IGSF11: variants seen among roughly 807,000 people sequenced by gnomAD.
IGSF11 encodes immunoglobulin superfamily member 11, also known as CXADR like 1.
Under a neutral mutation model 41.0 loss-of-function variants are expected in IGSF11, and 22 were observed. That is an observed-to-expected ratio of 0.54 (90% CI 0.38 to 0.77). The LOEUF is 0.77. Among genes scored for constraint, IGSF11 ranks in the 30% least tolerant of loss-of-function variants. The pLI, the probability that IGSF11 is intolerant of heterozygous loss-of-function variation, is 0.00. For synonymous variants in IGSF11, 219 were observed against 201.3 expected (o/e 1.09, Z -0.74); for missense variants, 444 against 530.8 (o/e 0.84, Z 1.61).
intron 1 of IGSF11, among the ~76,000 whole-genome samples, chr3:119,094,332 G>T (rs574343818): frequency 7.2e-6 from 1 of 138,680 alleles, no homozygotes; most frequent in East Asian, 2.4e-4. Flanking sequence ...TTTACTAATT[G>T]AACAACAAGG....
intron 1 of IGSF11, among the ~76,000 whole-genome samples, chr3:119,140,919 C>T (rs887951773): frequency 6.6e-6 from 1 of 151,520 alleles, no homozygotes; most frequent in Non-Finnish European, 1.5e-5. Flanking sequence ...TGGCACATGC[C>T]TGTAATTCCA....
At chr3:119,051,237 A>T (rs1941614259) in intron 1 of IGSF11, among the ~76,000 whole-genome samples, 2 of 152,024 alleles carry the variant, frequency 1.3e-5, no homozygotes, top group Non-Finnish European at 2.9e-5. Context: ...TTCAGCTCAC[A>T]CATATGGGCT....
intron 1 of IGSF11, among the ~76,000 whole-genome samples, chr3:119,111,829 G>A (rs952961990): frequency 2.0e-5 from 3 of 152,218 alleles, no homozygotes; most frequent in Non-Finnish European, 2.9e-5. Context: ...CTCAACTGCA[G>A]GACTGTTGGA....
chr3:119,014,093 A>G (rs1157330300), intron 1 of IGSF11, among the ~76,000 whole-genome samples: 1 of 152,266 alleles, frequency 6.6e-6, no homozygotes, highest in East Asian at 1.9e-4. Flanking sequence ...TGCACTCGTT[A>G]GCACTGCCTG....
At chr3:119,062,544 A>T (rs903794963) in intron 1 of IGSF11, among the ~76,000 whole-genome samples, 1 of 152,220 alleles carries the variant, frequency 6.6e-6, no homozygotes, top group African/African-American at 2.4e-5. Context: ...ATACATAGTC[A>T]TATTATTGCG....
intron 1 of IGSF11, among the ~76,000 whole-genome samples, chr3:119,033,855 G>A (rs1940650125): frequency 6.6e-6 from 1 of 152,148 alleles, no homozygotes; most frequent in Non-Finnish European, 1.5e-5. Context: ...ATTAAGCAGA[G>A]ATTAAAAGCT....
intron 1 of IGSF11, among the ~76,000 whole-genome samples, chr3:119,032,481 TA>T (rs1940498787): frequency 6.6e-6 from 1 of 152,190 alleles, no homozygotes; most frequent in South Asian, 2.1e-4. Context: ...GCCAGCCGAA[TA>T]AAGCCCAAAC....
At chr3:119,145,601 CCT>C (rs1015737837) in intron 1 of IGSF11, among the ~76,000 whole-genome samples, 2 of 152,208 alleles carry the variant, frequency 1.3e-5, no homozygotes, top group African/African-American at 4.8e-5. Flanking sequence ...GATCTTCTCT[CCT>C]CTCTCTGGCT....
chr3:119,006,246 T>G (rs946049811), intron 1 of IGSF11, among the ~76,000 whole-genome samples: 1 of 123,536 alleles, frequency 8.1e-6, no homozygotes, highest in Non-Finnish European at 1.6e-5. Context: ...TTTCTTCCAG[T>G]TGATCGCATC....
chr3:118,990,107 G>C (rs1161182008), intron 1 of IGSF11, among the ~76,000 whole-genome samples: 1 of 152,210 alleles, frequency 6.6e-6, no homozygotes, highest in Non-Finnish European at 1.5e-5. Context: ...AGACTGGCAT[G>C]ATTTTACAGT....
At chr3:118,988,096 G>A (rs1296546431) in intron 1 of IGSF11, among the ~76,000 whole-genome samples, 2 of 152,198 alleles carry the variant, frequency 1.3e-5, no homozygotes, top group African/African-American at 4.8e-5. Flanking sequence ...AATAGGGCAT[G>A]AATTAAGACA....
At chr3:119,099,772 A>C (rs1003248926) in intron 1 of IGSF11, among the ~76,000 whole-genome samples, 4 of 152,232 alleles carry the variant, frequency 2.6e-5, no homozygotes, top group Admixed American at 2.6e-4. Flanking sequence ...TGAACATTTT[A>C]CAAGAGGTTG....
At chr3:119,114,653 C>G (rs752005994) in intron 1 of IGSF11, among the ~76,000 whole-genome samples, 1 of 152,216 alleles carries the variant, frequency 6.6e-6, no homozygotes, top group Non-Finnish European at 1.5e-5. Flanking sequence ...CTAGGAAGTT[C>G]CAAACTTTCC....
chr3:119,075,563 T>C (rs1451938219), intron 1 of IGSF11, among the ~76,000 whole-genome samples: 1 of 152,120 alleles, frequency 6.6e-6, no homozygotes, highest in Non-Finnish European at 1.5e-5. Context: ...TAAACGTAGA[T>C]GCAAAAATCC....
rs1186583449 is a variant in IGSF11 at position 118,928,684 on chromosome 3, A to G, written c.249T>C (p.Asp83=). 1.2e-6 allele frequency: 2 copies of G among 1,613,918 alleles called. No individual in the cohort carries two copies. Among genetic ancestry groups the G allele is most frequent in the African/African-American group, 2.7e-5 (2 of 74,938 alleles). ...VILYQGGQMF[D]GAPRFHGRVG... ...CCCTACCGTGGAACCGGGGGGCACC[A>G]TCAAACATCTGTCCACCCTGATACA... The change falls in exon 3 of 7, where the codon GAT becomes GAC. Residue 83 remains aspartate (D), a synonymous_variant. Transcript: ENST00000393775.
chr3:119,033,361 G>T (rs1940599858), intron 1 of IGSF11, among the ~76,000 whole-genome samples: 1 of 152,154 alleles, frequency 6.6e-6, no homozygotes, highest in Non-Finnish European at 1.5e-5. Context: ...AACAGTACAA[G>T]ATACTTGGAA....
chr3:118,928,165 C>A (rs1405557734), intron 3 of IGSF11, among the ~76,000 whole-genome samples: 1 of 152,172 alleles, frequency 6.6e-6, no homozygotes, highest in African/African-American at 2.4e-5. Flanking sequence ...CTGCTCTGTA[C>A]TAAAATAAGT....
chr3:119,049,846 A>C (rs1258714640), intron 1 of IGSF11, among the ~76,000 whole-genome samples: 1 of 148,368 alleles, frequency 6.7e-6, no homozygotes, highest in Non-Finnish European at 1.5e-5. Flanking sequence ...ATAACGCCGC[A>C]TATCTACAAC....
intron 1 of IGSF11, among the ~76,000 whole-genome samples, chr3:119,141,052 A>AT (rs1474508161): frequency 6.6e-6 from 1 of 151,060 alleles, no homozygotes; most frequent in South Asian, 2.1e-4. Context: ...TAAAAAAAAA[A>AT]AAAAAAAAAT....
Sources: gnomAD v4.1 joint callset for allele counts (sites outside exome capture counted in the v4.1 genomes callset) on GRCh38, gnomAD v4.1.1 for gene constraint, MANE v1.5 for transcripts, NCBI Gene and HGNC (gene_info 2026-07-23, HGNC 2026-07-21) for gene names.